Variants in SNTG1 observed in about 807,000 individuals in gnomAD.
SNTG1 encodes syntrophin gamma 1.
Under a neutral mutation model 74.7 loss-of-function variants are expected in SNTG1, and 39 were observed. That is an observed-to-expected ratio of 0.52 (90% CI 0.40 to 0.68). SNTG1 has a LOEUF of 0.68. Among genes scored for constraint, SNTG1 ranks in the 30% least tolerant of loss-of-function variants. SNTG1 has a pLI of 0.00. For missense variants in SNTG1, 685 were observed against 609.5 expected (o/e 1.12, Z -1.30); for synonymous variants, 254 against 217.1 (o/e 1.17, Z -1.49).
At chr8:50,459,361 T>C (rs1451472625) in intron 8 of SNTG1, among the ~76,000 whole-genome samples, 3 of 152,152 alleles carry the variant, frequency 2.0e-5, no homozygotes, top group African/African-American at 4.8e-5. Context: ...ATTAGAATGG[T>C]TTTAGTTTTT....
intron 9 of SNTG1, among the ~76,000 whole-genome samples, chr8:50,520,625 A>G (rs1229693014): frequency 6.6e-6 from 1 of 152,234 alleles, no homozygotes; most frequent in Non-Finnish European, 1.5e-5. Context: ...ATGAACAGAC[A>G]CTTCTCAAAA....
chr8:50,256,121 C>G (rs988909003), intron 2 of SNTG1, among the ~76,000 whole-genome samples: 1 of 152,128 alleles, frequency 6.6e-6, no homozygotes, highest in Non-Finnish European at 1.5e-5. Context: ...TAGGATTTCT[C>G]TTCACCGACA....
chr8:50,261,453 T>C (rs1318005134), intron 2 of SNTG1, among the ~76,000 whole-genome samples: 1 of 152,170 alleles, frequency 6.6e-6, no homozygotes, highest in East Asian at 1.9e-4. Flanking sequence ...TAATATAGTT[T>C]TCAAAATGAA....
At chr8:50,002,647 A>G (rs1182953508) in intron 1 of SNTG1, among the ~76,000 whole-genome samples, 1 of 152,130 alleles carries the variant, frequency 6.6e-6, no homozygotes, top group Non-Finnish European at 1.5e-5. Flanking sequence ...TATTTAAGAG[A>G]TTACACATAA....
chr8:50,132,521 A>T (rs2081349464), intron 1 of SNTG1, among the ~76,000 whole-genome samples: 1 of 152,122 alleles, frequency 6.6e-6, no homozygotes, highest in Non-Finnish European at 1.5e-5. Context: ...ACTGGAAGAA[A>T]AAAAGAATTA....
chr8:50,044,124 A>G (rs1003878239), intron 1 of SNTG1, among the ~76,000 whole-genome samples: 1 of 152,198 alleles, frequency 6.6e-6, no homozygotes, highest in African/African-American at 2.4e-5. Context: ...CTTTTTCGCC[A>G]GGGGTTAAAC....
intron 8 of SNTG1, among the ~76,000 whole-genome samples, chr8:50,494,308 A>C (rs1041432491): frequency 2.0e-5 from 3 of 151,994 alleles, no homozygotes; most frequent in Non-Finnish European, 4.4e-5. Flanking sequence ...CCATATGCTA[A>C]TACTGTATTC....
chr8:49,987,789 C>A (rs992897311), intron 1 of SNTG1, among the ~76,000 whole-genome samples: 5 of 151,740 alleles, frequency 3.3e-5, no homozygotes, highest in African/African-American at 4.8e-5. Context: ...GCTGGGACTA[C>A]AGGCGCCCGC....
At chr8:49,963,123 G>A (rs1810844662) in intron 1 of SNTG1, among the ~76,000 whole-genome samples, 1 of 152,194 alleles carries the variant, frequency 6.6e-6, no homozygotes, top group East Asian at 1.9e-4. Context: ...ATACATGAGT[G>A]GATGCATGAA....
intron 9 of SNTG1, among the ~76,000 whole-genome samples, chr8:50,515,265 T>G (rs2094121492): frequency 6.6e-6 from 1 of 151,706 alleles, no homozygotes; most frequent in Non-Finnish European, 1.5e-5. Flanking sequence ...ATGCTTATTC[T>G]TATATTATAG....
At chr8:49,946,634 A>G (rs978541262) in intron 1 of SNTG1, among the ~76,000 whole-genome samples, 1 of 152,330 alleles carries the variant, frequency 6.6e-6, no homozygotes, top group South Asian at 2.1e-4. Context: ...AAAGCAGGGA[A>G]GTGTATTAAT....
At chr8:50,773,619 G>T (rs1474596362) in intron 18 of SNTG1, among the ~76,000 whole-genome samples, 1 of 152,014 alleles carries the variant, frequency 6.6e-6, no homozygotes, top group Non-Finnish European at 1.5e-5. Flanking sequence ...ACAACAAACT[G>T]CAACAGCATC....
Position 49,953,577 on chromosome 8 carries a change from A to T in SNTG1, c.-103+41346A>T, listed in dbSNP as rs111846107. On this transcript the variant is annotated intron_variant, in intron 1 of 18. Coordinates refer to ENST00000642720, the MANE Select transcript of SNTG1 (RefSeq NM_018967.5). Reference sequence around the variant, plus strand: ...AATATTTTAATTTAAGATTATGAAGATTATATGCTCTTTTCTTAATTTTGA... The same window carrying T: ...AATATTTTAATTTAAGATTATGAAGTTTATATGCTCTTTTCTTAATTTTGA... Among the ~76,000 whole-genome samples, 914 of 152,330 alleles carry T rather than the reference A, an allele frequency of 6.0e-3. 14 individuals carry two copies. The highest frequency in any genetic ancestry group is 0.02 in the Middle Eastern group (6 of 294).
At chr8:50,214,029 C>T (rs1484464127) in intron 2 of SNTG1, among the ~76,000 whole-genome samples, 1 of 151,910 alleles carries the variant, frequency 6.6e-6, no homozygotes, top group Non-Finnish European at 1.5e-5. Context: ...AATGGTAATG[C>T]CTAGGTTTTC....
intron 17 of SNTG1, among the ~76,000 whole-genome samples, chr8:50,742,700 A>T (rs766964269): frequency 2.2e-4 from 33 of 150,934 alleles, no homozygotes; most frequent in Non-Finnish European, 4.6e-4. Context: ...TGAAAAAAAT[A>T]AAATAGATAC....
intron 17 of SNTG1, among the ~76,000 whole-genome samples, chr8:50,732,279 A>G (rs1395324569): frequency 1.3e-5 from 2 of 151,964 alleles, no homozygotes; most frequent in Admixed American, 1.3e-4. Flanking sequence ...CCTTGCATTT[A>G]TAGTTAAGCC....
At position 50,681,408 on chromosome 8, in the gene SNTG1, A is replaced by G. The variant is rs184676280; in HGVS notation, c.1038+22745A>G. Among the ~76,000 whole-genome samples the G allele has an allele frequency of 1.0e-3, 153 of 152,120 alleles. 1 individual carries two copies. In the South Asian group the frequency reaches 0.023, roughly 22 times the overall value. ...CCATGCTCAATCATTTTCATAATCC[A>G]TTTTTCCAGTAATGTTAAGTAAATA... On this transcript the variant is annotated intron_variant, in intron 15 of 18. Coordinates refer to ENST00000642720, the MANE Select transcript of SNTG1 (RefSeq NM_018967.5).
At chr8:49,961,091 C>T (rs1269895603) in intron 1 of SNTG1, among the ~76,000 whole-genome samples, 1 of 152,114 alleles carries the variant, frequency 6.6e-6, no homozygotes. Flanking sequence ...GGACAGTTGT[C>T]AGTGGATCTA....
At chr8:50,066,460 T>C (rs1443773294) in intron 1 of SNTG1, among the ~76,000 whole-genome samples, 1 of 152,168 alleles carries the variant, frequency 6.6e-6, no homozygotes, top group Non-Finnish European at 1.5e-5. Context: ...GTAGCAACTT[T>C]CTGGAAATAC....
Sources: allele counts gnomAD v4.1 joint callset (sites outside exome capture counted in the v4.1 genomes callset), GRCh38; gene constraint gnomAD v4.1.1; transcripts MANE v1.5; gene names NCBI Gene and HGNC (gene_info 2026-07-23, HGNC 2026-07-21).